The following SNX29 variants were observed in gnomAD, a reference collection of about 807,000 sequenced individuals.
SNX29 encodes the protein sorting nexin 29, also known as sorting nexin-29.
A neutral mutation model predicts 102.1 loss-of-function variants in SNX29; 78 were observed. That is an observed-to-expected ratio of 0.76 (90% CI 0.64 to 0.92). The LOEUF (loss-of-function observed/expected upper bound fraction) is 0.92, where lower values mean the gene tolerates loss of function less well. SNX29 is among the 40% of genes least tolerant of loss of function. The pLI is 0.00. For missense variants in SNX29, 1,280 were observed against 1,061.7 expected, an observed-to-expected ratio of 1.21 and a Z score of -2.86; for synonymous variants, 580 against 414.5, an observed-to-expected ratio of 1.40 and a Z score of -4.85.
chr16:12,447,441 A>T lies in SNX29; in HGVS notation c.2038-30278A>T, dbSNP rs573116614. Among the ~76,000 whole-genome samples, 19 of 152,318 alleles carry T rather than the reference A, an allele frequency of 1.2e-4. No individual in the cohort carries two copies. In the South Asian group the frequency reaches 3.5e-3, roughly 28 times the overall value. ...TCCTGGATACCCCCAAAGATTCTCA[A>T]TCAGTACTTTCTGGATCAATTTTCA... On this transcript the variant is annotated intron_variant, in intron 18 of 20. Transcript: ENST00000566228.
chr16:12,024,502 A>G (rs898579319), intron 3 of SNX29, among the ~76,000 whole-genome samples: 1 of 152,174 alleles, frequency 6.6e-6, no homozygotes, highest in Non-Finnish European at 1.5e-5. Context: ...GGAGGTGGAA[A>G]GGGCATATGG....
chr16:12,327,247 G>A (rs2151197865), intron 15 of SNX29, among the ~76,000 whole-genome samples: 1 of 152,168 alleles, frequency 6.6e-6, no homozygotes, highest in East Asian at 1.9e-4. Flanking sequence ...CTAGTGATGG[G>A]GTCTTTTTAA....
intron 18 of SNX29, among the ~76,000 whole-genome samples, chr16:12,467,081 A>G (rs1007260685): frequency 6.6e-6 from 1 of 152,170 alleles, no homozygotes; most frequent in Admixed American, 6.5e-5. Flanking sequence ...TGGGCCATGA[A>G]GTCGGGCAGA....
intron 3 of SNX29, among the ~76,000 whole-genome samples, chr16:12,013,488 GAA>G (rs564156499): frequency 5.3e-3 from 69 of 12,950 alleles, no homozygotes; most frequent in Middle Eastern, 0.1. Flanking sequence ...TCTACTGGGG[GAA>G]AAAAAAAAAA....
Position 12,129,637 on chromosome 16 carries a change from C to G in SNX29, c.1474C>G (p.Arg492Gly). 3.1e-6 allele frequency: 5 copies of G among 1,609,832 alleles called. No individual in the cohort carries two copies. Among genetic ancestry groups the G allele is most frequent in the Non-Finnish European group, 4.2e-6 (5 of 1,178,758 alleles). ...GGGTCCCTCTCTTCCCAGATCACTG[C>G]GAAACCTGCTCGACGGTGAGATGGA... is the stretch of plus-strand genomic sequence containing the variant. ...DELEEENRSL[R>G]NLLDGEMEHS... The change falls in exon 13 of 21, where the codon CGA becomes GGA. Residue 492 changes from arginine (R) to glycine (G), a missense_variant. Arg to Gly is a moderately radical substitution (Grantham distance 125). Transcript: ENST00000566228.
chr16:12,424,077 G>A, intron 18 of SNX29, among the ~76,000 whole-genome samples: 1 of 152,352 alleles, frequency 6.6e-6, no homozygotes, highest in East Asian at 1.9e-4. Context: ...ACATGTCTAC[G>A]TTAGAGCCTC....
intron 13 of SNX29, among the ~76,000 whole-genome samples, chr16:12,172,031 G>C (rs549181433): frequency 6.6e-6 from 1 of 152,098 alleles, no homozygotes; most frequent in Non-Finnish European, 1.5e-5. Flanking sequence ...GGTGTTCTAC[G>C]TTACCACTTA....
chr16:12,168,895 G>A (rs759359448), intron 13 of SNX29, among the ~76,000 whole-genome samples: 12 of 152,262 alleles, frequency 7.9e-5, no homozygotes, highest in Middle Eastern at 3.4e-3. Context: ...CAGATCATCC[G>A]GAGAGAGGGC....
intron 19 of SNX29, among the ~76,000 whole-genome samples, chr16:12,507,171 C>A (rs2089416372): frequency 6.6e-6 from 1 of 152,192 alleles, no homozygotes; most frequent in Non-Finnish European, 1.5e-5. Context: ...AGGCTGTAGA[C>A]CTGGTAAGTG....
At chr16:12,352,514 A>T (rs2082017684) in intron 15 of SNX29, among the ~76,000 whole-genome samples, 1 of 144,182 alleles carries the variant, frequency 6.9e-6, no homozygotes, top group Non-Finnish European at 1.5e-5. Flanking sequence ...CTTAAAGTAT[A>T]AAAAAAAAAA....
At chr16:12,534,144 C>T (rs1419372214) in intron 20 of SNX29, among the ~76,000 whole-genome samples, 1 of 152,238 alleles carries the variant, frequency 6.6e-6, no homozygotes, top group Admixed American at 6.5e-5. Context: ...AACACCAGGC[C>T]TCAGGGCAGC....
At chr16:12,564,817 G>T (rs114679868) in intron 20 of SNX29, among the ~76,000 whole-genome samples, 1 of 151,982 alleles carries the variant, frequency 6.6e-6, no homozygotes, top group South Asian at 2.1e-4. Flanking sequence ...CAGAAGTCTC[G>T]GTGGTACACA....
chr16:12,079,822 C>T (rs1416360881), intron 11 of SNX29, among the ~76,000 whole-genome samples: 3 of 152,178 alleles, frequency 2.0e-5, no homozygotes, highest in African/African-American at 7.2e-5. Context: ...TAGCTCCAGC[C>T]ATTTCATTCT....
intron 14 of SNX29, among the ~76,000 whole-genome samples, chr16:12,229,330 G>A (rs2077704293): frequency 1.3e-5 from 2 of 152,202 alleles, no homozygotes; most frequent in African/African-American, 4.8e-5. Context: ...AATGAATAAT[G>A]GAAATGGTCA....
chr16:12,337,972 G>A (rs2081502596), intron 15 of SNX29, among the ~76,000 whole-genome samples: 1 of 152,190 alleles, frequency 6.6e-6, no homozygotes, highest in Non-Finnish European at 1.5e-5. Flanking sequence ...TGAAAGTGCT[G>A]CGGTCTTTGG....
At chr16:12,542,685 TTGGGGCCAGGC>T (rs1164878528) in intron 20 of SNX29, among the ~76,000 whole-genome samples, 3 of 152,168 alleles carry the variant, frequency 2.0e-5, no homozygotes, top group Non-Finnish European at 4.4e-5. Context: ...AACATGGACT[TTGGGGCCAGGC>T]TGGTGTTGGT....
chr16:12,440,975 T>C (rs1190262954), intron 18 of SNX29, among the ~76,000 whole-genome samples: 1 of 152,234 alleles, frequency 6.6e-6, no homozygotes, highest in Non-Finnish European at 1.5e-5. Flanking sequence ...CTGCCTTTTG[T>C]GACTTAGAAT....
intron 20 of SNX29, among the ~76,000 whole-genome samples, chr16:12,537,114 C>G (rs780601878): frequency 2.0e-5 from 3 of 152,182 alleles, no homozygotes; most frequent in Non-Finnish European, 2.9e-5. Context: ...CCCTTTCCTC[C>G]CAGCTGTTGG....
chr16:12,303,108 A>G (rs770745187), intron 15 of SNX29, among the ~76,000 whole-genome samples: 1 of 152,242 alleles, frequency 6.6e-6, no homozygotes, highest in Non-Finnish European at 1.5e-5. Flanking sequence ...TTCTTTTGCA[A>G]TTTACCGTGA....
Sources: allele counts gnomAD v4.1 joint callset (sites outside exome capture counted in the v4.1 genomes callset), GRCh38; gene constraint gnomAD v4.1.1; transcripts MANE v1.5; gene names NCBI Gene and HGNC (gene_info 2026-07-23, HGNC 2026-07-21).